AGMO: variants seen among roughly 807,000 people sequenced by gnomAD.
The protein encoded by AGMO is glyceryl-ether monooxygenase.
In AGMO, 75 loss-of-function variants were observed where a neutral mutation model predicts 60.2. The ratio of observed to expected loss-of-function variants is 1.25; its 90% CI spans 1.03 to 1.51. AGMO has a LOEUF of 1.51. Ranked by LOEUF, AGMO falls within the 40% of genes most tolerant of loss-of-function variation. The pLI is 0.00. For synonymous variants in AGMO, 261 were observed against 177.1 expected, an observed-to-expected ratio of 1.47 and a Z score of -3.76; for missense variants, 763 against 525.5, an observed-to-expected ratio of 1.45 and a Z score of -4.42.
intron 12 of AGMO, among the ~76,000 whole-genome samples, chr7:15,251,590 A>G (rs1235840554): frequency 1.3e-5 from 2 of 152,204 alleles, no homozygotes; most frequent in African/African-American, 2.4e-5. Context: ...TATAAAGCCT[A>G]TTAGTAGGGT....
intron 3 of AGMO, among the ~76,000 whole-genome samples, chr7:15,495,501 G>A (rs886621342): frequency 6.6e-6 from 1 of 152,084 alleles, no homozygotes; most frequent in Non-Finnish European, 1.5e-5. Flanking sequence ...AATAGAAGGG[G>A]GGATTTTGTA....
intron 12 of AGMO, among the ~76,000 whole-genome samples, chr7:15,322,488 A>ATATAAATATATG (rs1781146390): frequency 5.8e-5 from 5 of 86,120 alleles, no homozygotes; most frequent in African/African-American, 1.5e-4. Flanking sequence ...ATATATATAA[A>ATATAAATATATG]TATATATAAA....
At chr7:15,348,659 G>GT (rs1224823281) in intron 12 of AGMO, among the ~76,000 whole-genome samples, 1 of 151,900 alleles carries the variant, frequency 6.6e-6, no homozygotes, top group Non-Finnish European at 1.5e-5. Flanking sequence ...TTTTAAGGCT[G>GT]TTTTTACTAG....
intron 12 of AGMO, among the ~76,000 whole-genome samples, chr7:15,362,068 C>G (rs573704904): frequency 3.3e-5 from 5 of 152,056 alleles, no homozygotes; most frequent in African/African-American, 1.2e-4. Context: ...AGTCAGTCAG[C>G]CCTAATTCAT....
At chr7:15,303,103 G>C (rs1446073554) in intron 12 of AGMO, among the ~76,000 whole-genome samples, 1 of 151,958 alleles carries the variant, frequency 6.6e-6, no homozygotes, top group Non-Finnish European at 1.5e-5. Flanking sequence ...TTTCTCAAAA[G>C]ACAGCTCAAA....
At chr7:15,308,522 A>T (rs1780679069) in intron 12 of AGMO, among the ~76,000 whole-genome samples, 1 of 151,958 alleles carries the variant, frequency 6.6e-6, no homozygotes, top group African/African-American at 2.4e-5. Flanking sequence ...GCTTGTATTA[A>T]CTCATTTGCT....
rs537635317 is a variant in AGMO, at chr7:15,244,524, C to T, written c.1264-43165G>A. On this transcript the variant is annotated intron_variant, in intron 12 of 12. Transcript: ENST00000342526. Reference sequence around the variant, plus strand: ...AGCTAATAAATGTCAATGCAAAGAACGCAAATCTTTATATTCTATAGAAAT... The same window carrying T: ...AGCTAATAAATGTCAATGCAAAGAATGCAAATCTTTATATTCTATAGAAAT... 4.6e-5 allele frequency among the ~76,000 whole-genome samples: 7 copies of T among 152,230 alleles called. No homozygotes were observed. In the South Asian group the frequency reaches 8.3e-4, roughly 18 times the overall value.
chr7:15,298,138 G>T (rs1293718043), intron 12 of AGMO, among the ~76,000 whole-genome samples: 1 of 152,096 alleles, frequency 6.6e-6, no homozygotes, highest in Non-Finnish European at 1.5e-5. Context: ...TTAAAACTGA[G>T]AAACAGATAG....
chr7:15,124,155 G>C, the AGMO span, among the ~76,000 whole-genome samples: 1 of 151,970 alleles, frequency 6.6e-6, no homozygotes, highest in Non-Finnish European at 1.5e-5. Flanking sequence ...GCACTAAAAG[G>C]CAGGCAAAAC....
chr7:15,441,848 T>C (rs1287846482), intron 3 of AGMO, among the ~76,000 whole-genome samples: 1 of 152,152 alleles, frequency 6.6e-6, no homozygotes, highest in East Asian at 1.9e-4. Flanking sequence ...CTGAAATCAC[T>C]AGGTAGAAAG....
rs1223968676 is a variant in AGMO, at chr7:15,455,299, A to ATGC, written c.410-24192_410-24191insGCA. Among the ~76,000 whole-genome samples the ATGC allele has an allele frequency of 2.6e-5, 4 of 152,238 alleles. No homozygotes were observed. The East Asian group carries it at 7.7e-4, about 29-fold the overall frequency. On this transcript the variant is annotated intron_variant, in intron 3 of 12. Transcript: ENST00000342526. ...TGTTTCTTCTCTACAATCTATCATT[A>ATGC]GTTTATTCCCAAATTCTGCTGCAGA...
chr7:15,257,391 T>G (rs548527593), intron 12 of AGMO, among the ~76,000 whole-genome samples: 1 of 152,298 alleles, frequency 6.6e-6, no homozygotes, highest in African/African-American at 2.4e-5. Context: ...TTTGGATTAC[T>G]TTATTGAAAT....
chr7:15,400,369 G>A (rs1784520614), intron 5 of AGMO, among the ~76,000 whole-genome samples: 1 of 152,128 alleles, frequency 6.6e-6, no homozygotes. Context: ...TGGGTTTAGT[G>A]CTGTTAAACA....
intron 3 of AGMO, among the ~76,000 whole-genome samples, chr7:15,525,734 A>T (rs114299508): frequency 0.015 from 2,230 of 152,166 alleles, 57 homozygotes; most frequent in African/African-American, 0.05. Context: ...TGAGAAGCAG[A>T]GGCGTAGCTG....
At chr7:15,421,954 G>A (rs1172972813) in intron 4 of AGMO, among the ~76,000 whole-genome samples, 1 of 152,042 alleles carries the variant, frequency 6.6e-6, no homozygotes, top group Non-Finnish European at 1.5e-5. Context: ...TCAGAGGTGG[G>A]AAAGATCTGG....
intron 12 of AGMO, among the ~76,000 whole-genome samples, chr7:15,283,571 C>T (rs1784025338): frequency 6.6e-6 from 1 of 151,928 alleles, no homozygotes; most frequent in Non-Finnish European, 1.5e-5. Context: ...TCTGGAGCTG[C>T]CAGATTTACA....
At chr7:15,118,935 T>G in the AGMO span, among the ~76,000 whole-genome samples, 1 of 142,812 alleles carries the variant, frequency 7.0e-6, no homozygotes, top group Admixed American at 7.5e-5. Flanking sequence ...TCTCTCTCTG[T>G]TGCCAGGCTG....
intron 12 of AGMO, among the ~76,000 whole-genome samples, chr7:15,240,836 ATTT>A: frequency 6.6e-6 from 1 of 152,122 alleles, no homozygotes; most frequent in Admixed American, 6.5e-5. Context: ...GAATTTTATT[ATTT>A]AATTCTTATA....
rs778682811 is a variant in AGMO, at chr7:15,342,801, A to AAAAAAAAAAC, written c.1263+22712_1263+22713insGTTTTTTTTT. On this transcript the variant is annotated intron_variant, in intron 12 of 12. Coordinates refer to ENST00000342526, the MANE Select transcript of AGMO (RefSeq NM_001004320.2). ...CTGCAAAAAAAAAAAAAAAAAAAAA[A>AAAAAAAAAAC]AAAATTGATCTGAATTCTACCTCTA... is the stretch of plus-strand genomic sequence containing the variant. 8.6e-4 allele frequency among the ~76,000 whole-genome samples: 93 copies of AAAAAAAAAAC among 107,934 alleles called. 7 individuals carry two copies. Among genetic ancestry groups the AAAAAAAAAAC allele is most frequent in the African/African-American group, 3.6e-3 (85 of 23,846 alleles). 70.8% of individuals were successfully genotyped at this position (107,934 alleles called of 152,430 possible).
Sources: allele counts gnomAD v4.1 joint callset (sites outside exome capture counted in the v4.1 genomes callset), GRCh38; gene constraint gnomAD v4.1.1; transcripts MANE v1.5; gene names NCBI Gene and HGNC (gene_info 2026-07-23, HGNC 2026-07-21).